POLR1B: variants seen among roughly 807,000 people sequenced by gnomAD.
POLR1B encodes the protein RNA polymerase I subunit B.
In POLR1B, 30 loss-of-function variants were observed where a neutral mutation model predicts 105.8. The ratio of observed to expected loss-of-function variants is 0.28; its 90% CI spans 0.21 to 0.38. POLR1B has a LOEUF of 0.38. POLR1B is among the 10% of genes least tolerant of loss of function. POLR1B has a pLI of 1.00. For synonymous variants in POLR1B, 485 were observed against 505.1 expected (o/e 0.96, Z 0.53); for missense variants, 976 against 1,435.8 (o/e 0.68, Z 5.17).
chr2:112,555,181 C>CA (rs1390178713), intron 7 of POLR1B, among the ~76,000 whole-genome samples: 26 of 144,992 alleles, frequency 1.8e-4, no homozygotes, highest in African/African-American at 4.3e-4. Flanking sequence ...ACCCTGTCTC[C>CA]AAAAAAAACC....
At chr2:112,561,063 T>TA (rs10713970) in intron 9 of POLR1B, among the ~76,000 whole-genome samples, 154 of 145,048 alleles carry the variant, frequency 1.1e-3, no homozygotes, top group South Asian at 1.0e-2. Context: ...AGACTCCATC[T>TA]AAAAAAAAAA....
chr2:112,563,291 G>A (rs1374533138), intron 9 of POLR1B, among the ~76,000 whole-genome samples: 2 of 151,790 alleles, frequency 1.3e-5, no homozygotes, highest in African/African-American at 2.4e-5. Flanking sequence ...TCCTGACCTC[G>A]TGATCTGCCC....
intron 9 of POLR1B, 47 bp from the exon 10 acceptor site, chr2:112,564,319 T>C: frequency 6.3e-7 from 1 of 1,599,520 alleles, no homozygotes; most frequent in Non-Finnish European, 8.6e-7. Flanking sequence ...TCTGGAATGT[T>C]GGATGAAGCA....
chr2:112,558,176 C>A, intron 8 of POLR1B, 95 bp downstream of exon 8: 1 of 1,030,688 alleles, frequency 9.7e-7, no homozygotes, highest in Non-Finnish European at 1.3e-6. Flanking sequence ...AAGCAAACCC[C>A]ACGAAAAAAG....
At chr2:112,567,273 C>T (rs1426943970) in intron 10 of POLR1B, among the ~76,000 whole-genome samples, 1 of 151,954 alleles carries the variant, frequency 6.6e-6, no homozygotes, top group Non-Finnish European at 1.5e-5. Context: ...GCTGTGAATC[C>T]CCATGAGTTC....
chr2:112,575,417 G>A lies in POLR1B; in HGVS notation c.3096G>A (p.Gln1032=), dbSNP rs751083900. The A allele has an allele frequency of 3.7e-6, 6 of 1,614,088 alleles. No individual in the cohort carries two copies. In the African/African-American group the frequency reaches 4.0e-5, roughly 11 times the overall value. Residue 1032 remains glutamine (Q), a synonymous_variant, in exon 15 of 15, where the codon CAG becomes CAA. Transcript: ENST00000263331. This position sits in a 1 kb window ranked among gnomAD's most constrained non-coding sequence, Gnocchi z 5.3. The stretch of plus-strand genomic sequence containing the variant: ...AGCCTATTGGGGGAAGAAATGTCCA[G>A]GGTGGAATCCGTTTTGGGGAGATGG... ...TNQPIGGRNV[Q]GGIRFGEMER...
Position 112,575,941 on chromosome 2 carries a change from G to A in POLR1B, c.*212G>A. 3.6e-6 allele frequency: 2 copies of A among 558,576 alleles called. No homozygotes were observed. Among genetic ancestry groups the A allele is most frequent in the Non-Finnish European group, 6.3e-6 (2 of 319,834 alleles). 34.6% of individuals were successfully genotyped at this position (558,576 alleles called of 1,614,324 possible). ...ATTTTCTGTTATCTTTGTTCAAAAA[G>A]TTCATGTCTTCTCAAAATATGAAAT... On this transcript the variant is annotated 3_prime_UTR_variant, in exon 15 of 15. Transcript: ENST00000263331. This position sits in a 1 kb window ranked among gnomAD's most constrained non-coding sequence, Gnocchi z 5.3.
At chr2:112,561,140 A>G (rs1683958246) in intron 9 of POLR1B, among the ~76,000 whole-genome samples, 1 of 152,140 alleles carries the variant, frequency 6.6e-6, no homozygotes, top group Admixed American at 6.5e-5. Flanking sequence ...CTCAAGATTC[A>G]GAAGATGTAA....
rs370659831 is a variant in POLR1B, at chr2:112,575,397, A to G, written c.3076A>G (p.Ile1026Val). 232 of 1,614,196 alleles carry G rather than the reference A, an allele frequency of 1.4e-4. 1 individual carries two copies. Among genetic ancestry groups the G allele is most frequent in the African/African-American group, 7.2e-4 (54 of 75,036 alleles). Residue 1026 changes from isoleucine (I) to valine (V), a missense_variant, in exon 15 of 15, where the codon ATT becomes GTT. This residue lies in a region of POLR1B where 13 missense variants were observed against 49.1 expected (regional missense o/e 0.26). Transcript: ENST00000263331. The surrounding 1 kb of genome is among the most constrained non-coding windows in gnomAD (Gnocchi z 5.3). ...GARDRVTNQP[I>V]GGRNVQGGIR... ...CCGAGACAGAGTCACCAACCAGCCTATTGGGGGAAGAAATGTCCAGGGTGG... is the reference window on the plus strand; with the variant it reads ...CCGAGACAGAGTCACCAACCAGCCTGTTGGGGGAAGAAATGTCCAGGGTGG...
intron 1 of POLR1B, among the ~76,000 whole-genome samples, chr2:112,543,841 T>C (rs1196357762): frequency 1.3e-5 from 2 of 152,110 alleles, no homozygotes; most frequent in East Asian, 3.9e-4. Context: ...TCCAGGACTT[T>C]GGGAGGCCAA....
chr2:112,566,078 T>C (rs1174754997), intron 10 of POLR1B, among the ~76,000 whole-genome samples: 1 of 152,194 alleles, frequency 6.6e-6, no homozygotes, highest in Non-Finnish European at 1.5e-5. Context: ...CAGTCTGGTC[T>C]CCTGACCTTA....
intron 10 of POLR1B, among the ~76,000 whole-genome samples, chr2:112,566,356 C>T (rs1182432752): frequency 2.0e-5 from 3 of 152,214 alleles, no homozygotes; most frequent in Admixed American, 6.5e-5. Flanking sequence ...TTCATATTTT[C>T]ACCCACTAGT....
intron 9 of POLR1B, 28 bp downstream of exon 9, chr2:112,559,602 T>C (rs1683856771): frequency 6.3e-7 from 1 of 1,593,050 alleles, no homozygotes; most frequent in Non-Finnish European, 8.6e-7. Context: ...ATAAACATCT[T>C]GTTTGGTTAT....
At chr2:112,550,842 T>C in intron 4 of POLR1B, 24 bp from the exon 5 acceptor site, 2 of 1,607,970 alleles carry the variant, frequency 1.2e-6, no homozygotes, top group South Asian at 2.2e-5. Context: ...GAGTTTCTGA[T>C]TTTTTTGTTG....
intron 10 of POLR1B, among the ~76,000 whole-genome samples, chr2:112,567,585 C>T (rs1326025204): frequency 6.6e-6 from 1 of 151,954 alleles, no homozygotes; most frequent in East Asian, 1.9e-4. Context: ...CATCATGTTG[C>T]CCAGGCTGGT....
chr2:112,544,342 G>C (rs1682925487), intron 1 of POLR1B, among the ~76,000 whole-genome samples: 1 of 152,156 alleles, frequency 6.6e-6, no homozygotes, highest in Non-Finnish European at 1.5e-5. Context: ...TGAGGCACGA[G>C]AATCGCTTGA....
At chr2:112,567,229 A>G (rs997186145) in intron 10 of POLR1B, among the ~76,000 whole-genome samples, 1 of 152,126 alleles carries the variant, frequency 6.6e-6, no homozygotes, top group African/African-American at 2.4e-5. Context: ...CCCCTCCACC[A>G]AACATTCTCT....
At chr2:112,568,251 G>C in intron 11 of POLR1B, 114 bp downstream of exon 11, 1 of 1,100,788 alleles carries the variant, frequency 9.1e-7, no homozygotes, top group South Asian at 1.6e-5. Flanking sequence ...ACAACAGTTG[G>C]ACATTTGAAA....
chr2:112,548,591 A>C (rs1683183266), intron 3 of POLR1B, among the ~76,000 whole-genome samples: 2 of 152,144 alleles, frequency 1.3e-5, no homozygotes, highest in South Asian at 2.1e-4. Context: ...GTATGGAAGC[A>C]AAATGGTTAC....
Sources: allele counts gnomAD v4.1 joint callset (sites outside exome capture counted in the v4.1 genomes callset), GRCh38; gene constraint gnomAD v4.1.1; regional missense constraint gnomAD v4.1.1; non-coding constraint Gnocchi (gnomAD v3.1); transcripts MANE v1.5; gene names NCBI Gene and HGNC (gene_info 2026-07-23, HGNC 2026-07-21).